Variants in ACACA observed in about 807,000 individuals in gnomAD.
ACACA encodes acetyl-CoA carboxylase 1.
A neutral mutation model predicts 296.1 loss-of-function variants in ACACA; 103 were observed. The observed-to-expected ratio is 0.35, with a 90% CI of 0.30 to 0.41. ACACA has a LOEUF of 0.41. Among genes scored for constraint, ACACA ranks in the 10% least tolerant of loss-of-function variants. The pLI is 1.00. For synonymous variants in ACACA, 953 were observed against 1,038.6 expected (o/e 0.92, Z 1.58); for missense variants, 1,554 against 2,989.7 (o/e 0.52, Z 11.20).
chr17:37,367,739 C>T (rs979122841), intron 1 of ACACA: 1 of 152,078 alleles, frequency 6.6e-6, no homozygotes, highest in Non-Finnish European at 1.5e-5. Context: ...GTAATCGATA[C>T]AGAACAGAAT....
At chr17:37,251,885 T>C in intron 16 of ACACA, 120 bp downstream of exon 16, 1 of 939,214 alleles carries the variant, frequency 1.1e-6, no homozygotes, top group Non-Finnish European at 1.7e-6. Context: ...GGTCCATGAA[T>C]AACAAGTAGC....
At chr17:37,390,427 G>T (rs1961264799) in intron 1 of ACACA, among the ~76,000 whole-genome samples, 1 of 140,136 alleles carries the variant, frequency 7.1e-6, no homozygotes, top group Non-Finnish European at 1.5e-5. Flanking sequence ...AAGAGATTGA[G>T]ACCATCCTAG....
rs1052940928 is a variant in ACACA at position 37,380,981 on chromosome 17, C to T, written c.38+25281G>A. 7.9e-5 allele frequency among the ~76,000 whole-genome samples: 12 copies of T among 151,842 alleles called. 3 individuals carry two copies. The highest frequency in any genetic ancestry group is 7.9e-4 in the Admixed American group (12 of 15,248). ...GATTTATAGTGAAAAGTAAGTCTCT[C>T]TCCTACTCCTGTCTCTCAATTCTCC... On this transcript the variant is annotated intron_variant, in intron 1 of 55. Coordinates refer to ENST00000616317, the MANE Select transcript of ACACA (RefSeq NM_198834.3).
At chr17:37,337,005 T>C (rs1041081430) in intron 2 of ACACA, among the ~76,000 whole-genome samples, 1 of 152,180 alleles carries the variant, frequency 6.6e-6, no homozygotes, top group Non-Finnish European at 1.5e-5. Flanking sequence ...GTGTGGTCCC[T>C]GGACCATTGG....
intron 45 of ACACA, among the ~76,000 whole-genome samples, chr17:37,137,981 C>T (rs2075400628): frequency 6.6e-6 from 1 of 152,134 alleles, no homozygotes; most frequent in Non-Finnish European, 1.5e-5. Flanking sequence ...GGTTCTTTTC[C>T]TTACCAACAC....
chr17:37,299,949 A>AGG (rs1227458902), intron 3 of ACACA, among the ~76,000 whole-genome samples: 1 of 152,214 alleles, frequency 6.6e-6, no homozygotes, highest in African/African-American at 2.4e-5. Flanking sequence ...GGGGAAAAGC[A>AGG]GGTCAGGTGG....
intron 2 of ACACA, 64 bp downstream of exon 2, chr17:37,339,740 A>G (rs981356471): frequency 3.9e-6 from 4 of 1,014,630 alleles, no homozygotes; most frequent in African/African-American, 1.5e-5. Context: ...CTACAGTTTG[A>G]TATTTTACAA....
At chr17:37,389,292 G>A (rs1011278850) in intron 1 of ACACA, 5 of 1,599,410 alleles carry the variant, frequency 3.1e-6, no homozygotes, top group Non-Finnish European at 3.4e-6. Flanking sequence ...CAGTGGTTGT[G>A]GAGATGGCAA....
chr17:37,227,552 T>C (rs997358167), intron 25 of ACACA, among the ~76,000 whole-genome samples: 6 of 151,876 alleles, frequency 4.0e-5, no homozygotes, highest in African/African-American at 1.5e-4. Flanking sequence ...TCTCTAAAAA[T>C]AAAAAATAAA....
intron 45 of ACACA, among the ~76,000 whole-genome samples, chr17:37,132,626 ACTCCTTGTTG>A (rs2075154500): frequency 6.6e-6 from 1 of 152,132 alleles, no homozygotes; most frequent in African/African-American, 2.4e-5. Context: ...GGAGCCAAGT[ACTCCTTGTTG>A]CCCAGAAGAG....
intron 16 of ACACA, among the ~76,000 whole-genome samples, chr17:37,249,345 C>A (rs1205483176): frequency 6.6e-6 from 1 of 152,170 alleles, no homozygotes; most frequent in African/African-American, 2.4e-5. Context: ...CTTTCAGACC[C>A]TGCTTTCAAT....
chr17:37,346,227 G>A (rs2048609012), intron 1 of ACACA, among the ~76,000 whole-genome samples: 1 of 150,980 alleles, frequency 6.6e-6, no homozygotes. Flanking sequence ...TGAGGCAGGA[G>A]AATCACTTGA....
chr17:37,314,003 G>C (rs1465931100), intron 3 of ACACA, among the ~76,000 whole-genome samples: 1 of 151,834 alleles, frequency 6.6e-6, no homozygotes, highest in Non-Finnish European at 1.5e-5. Context: ...TAATAAAATA[G>C]AGAGTATATC....
At chr17:37,342,851 G>A (rs1167497689) in intron 1 of ACACA, among the ~76,000 whole-genome samples, 2 of 151,904 alleles carry the variant, frequency 1.3e-5, no homozygotes, top group African/African-American at 4.8e-5. Flanking sequence ...TGAAGTGGGA[G>A]GATCACTTGA....
At chr17:37,199,883 T>A (rs183927314) in intron 35 of ACACA, among the ~76,000 whole-genome samples, 1,607 of 151,400 alleles carry the variant, frequency 0.011, 25 homozygotes, top group African/African-American at 0.035. Context: ...TTAAAAAAAA[T>A]TTTTTTTTAA....
At chr17:37,141,803 T>C (rs2075593437) in intron 45 of ACACA, among the ~76,000 whole-genome samples, 1 of 151,974 alleles carries the variant, frequency 6.6e-6, no homozygotes, top group Non-Finnish European at 1.5e-5. Flanking sequence ...GTGATTCTCC[T>C]GCCTCAGCCT....
At chr17:37,292,262 A>C (rs1027559259) in intron 3 of ACACA, among the ~76,000 whole-genome samples, 3 of 152,204 alleles carry the variant, frequency 2.0e-5, no homozygotes, top group African/African-American at 7.2e-5. Context: ...TAAACTTACC[A>C]GTTAAAAAGC....
intron 1 of ACACA, among the ~76,000 whole-genome samples, chr17:37,353,158 G>C (rs891168636): frequency 6.6e-6 from 1 of 152,078 alleles, no homozygotes; most frequent in Non-Finnish European, 1.5e-5. Flanking sequence ...CCTTGCCAGG[G>C]CCAGGAATAC....
intron 43 of ACACA, among the ~76,000 whole-genome samples, chr17:37,151,900 T>G (rs1446035326): frequency 6.6e-6 from 1 of 152,150 alleles, no homozygotes; most frequent in Non-Finnish European, 1.5e-5. Context: ...GAGCACGTGA[T>G]CCGCCCACCT....
Sources: gnomAD v4.1 joint callset for allele counts (sites outside exome capture counted in the v4.1 genomes callset) on GRCh38, gnomAD v4.1.1 for gene constraint, MANE v1.5 for transcripts, NCBI Gene and HGNC (gene_info 2026-07-23, HGNC 2026-07-21) for gene names.